CNTNAP5: variants seen among roughly 807,000 people sequenced by gnomAD.
CNTNAP5 encodes the protein contactin associated protein family member 5.
CNTNAP5 carries 72 observed loss-of-function variants against 150.2 expected under a neutral mutation model. The observed-to-expected ratio is 0.48, with a 90% CI of 0.40 to 0.58. The LOEUF (loss-of-function observed/expected upper bound fraction) is 0.58, where lower values mean the gene tolerates loss of function less well. Ranked by LOEUF, CNTNAP5 falls within the 20% of genes least tolerant of loss-of-function variation. The probability of loss-of-function intolerance (pLI) is 0.00; values close to 1 mark genes in which losing one functional copy is unlikely to be tolerated. For synonymous variants in CNTNAP5, 672 were observed against 619.8 expected (o/e 1.08, Z -1.25); for missense variants, 1,636 against 1,626.2 (o/e 1.01, Z -0.10).
intron 3 of CNTNAP5, among the ~76,000 whole-genome samples, chr2:124,393,767 G>A (rs1031872754): frequency 2.0e-5 from 3 of 152,186 alleles, no homozygotes; most frequent in African/African-American, 7.2e-5. Flanking sequence ...GGCTTTCTCT[G>A]GGACATCTCA....
At chr2:124,493,928 T>TA (rs1042412720) in intron 7 of CNTNAP5, among the ~76,000 whole-genome samples, 10 of 147,858 alleles carry the variant, frequency 6.8e-5, no homozygotes, top group African/African-American at 1.7e-4. Flanking sequence ...GTTTGTGGGC[T>TA]AAAAAAAGTA....
chr2:124,585,546 T>C (rs1301939228), intron 11 of CNTNAP5, among the ~76,000 whole-genome samples: 3 of 152,086 alleles, frequency 2.0e-5, no homozygotes, highest in Non-Finnish European at 2.9e-5. Flanking sequence ...ATTCTTGGTC[T>C]TACAGGGAGG....
intron 12 of CNTNAP5, among the ~76,000 whole-genome samples, chr2:124,634,709 G>A (rs1274276775): frequency 6.6e-6 from 1 of 151,950 alleles, no homozygotes; most frequent in Non-Finnish European, 1.5e-5. Context: ...TCACCATGTT[G>A]CTCAGGCTGG....
At chr2:124,380,747 T>C (rs1247657938) in intron 3 of CNTNAP5, among the ~76,000 whole-genome samples, 1 of 152,158 alleles carries the variant, frequency 6.6e-6, no homozygotes, top group African/African-American at 2.4e-5. Context: ...GAATATTCTC[T>C]GGGTGTGTGC....
At chr2:124,125,409 A>G (rs1445249294) in intron 1 of CNTNAP5, among the ~76,000 whole-genome samples, 1 of 152,206 alleles carries the variant, frequency 6.6e-6, no homozygotes, top group Admixed American at 6.5e-5. Flanking sequence ...CCAGATTCAT[A>G]AAGCAAGCCC....
At chr2:124,425,626 C>A (rs1038010114) in intron 4 of CNTNAP5, among the ~76,000 whole-genome samples, 1 of 139,672 alleles carries the variant, frequency 7.2e-6, no homozygotes, top group Admixed American at 7.4e-5. Flanking sequence ...TCCCAGCTTG[C>A]TCCTTAGAGT....
At chr2:124,337,692 G>T (rs1034335807) in intron 3 of CNTNAP5, among the ~76,000 whole-genome samples, 1 of 152,096 alleles carries the variant, frequency 6.6e-6, no homozygotes, top group African/African-American at 2.4e-5. Flanking sequence ...GTAGATATGC[G>T]GCATTATTTC....
intron 16 of CNTNAP5, among the ~76,000 whole-genome samples, chr2:124,769,559 G>A (rs1021847492): frequency 1.3e-5 from 2 of 152,120 alleles, no homozygotes; most frequent in South Asian, 2.1e-4. Context: ...GGGCCAGTGG[G>A]CTATGTCCAC....
chr2:124,834,791 GTA>G (rs35344366), intron 19 of CNTNAP5, among the ~76,000 whole-genome samples: 13 of 147,452 alleles, frequency 8.8e-5, no homozygotes, highest in Admixed American at 1.4e-4. Flanking sequence ...ATATTTCACA[GTA>G]TATATATATA....
At chr2:124,317,785 A>G (rs1420940027) in intron 3 of CNTNAP5, among the ~76,000 whole-genome samples, 1 of 152,160 alleles carries the variant, frequency 6.6e-6, no homozygotes, top group African/African-American at 2.4e-5. Flanking sequence ...AAATTCACAA[A>G]CAGACACACA....
At chr2:124,366,063 A>T (rs1461500920) in intron 3 of CNTNAP5, among the ~76,000 whole-genome samples, 2 of 152,118 alleles carry the variant, frequency 1.3e-5, no homozygotes, top group Non-Finnish European at 2.9e-5. Context: ...CTTTGGAGAG[A>T]TAGTCTATAC....
chr2:124,400,717 G>GTGTGAT (rs1691400130), intron 3 of CNTNAP5, among the ~76,000 whole-genome samples: 1 of 131,782 alleles, frequency 7.6e-6, no homozygotes, highest in Non-Finnish European at 1.5e-5. Flanking sequence ...AATGTGAAAA[G>GTGTGAT]TGTGATTTTG....
intron 4 of CNTNAP5, among the ~76,000 whole-genome samples, chr2:124,430,295 G>T (rs1692345473): frequency 6.6e-6 from 1 of 152,078 alleles, no homozygotes; most frequent in South Asian, 2.1e-4. Context: ...ATACCTCTTT[G>T]TCTCTTTGTG....
At chr2:124,692,700 A>G (rs139053062) in intron 13 of CNTNAP5, among the ~76,000 whole-genome samples, 1 of 152,246 alleles carries the variant, frequency 6.6e-6, no homozygotes, top group African/African-American at 2.4e-5. Flanking sequence ...TAATTTTGAG[A>G]AAGAAAATAC....
intron 3 of CNTNAP5, among the ~76,000 whole-genome samples, chr2:124,384,682 T>G (rs1293127732): frequency 1.3e-5 from 2 of 152,214 alleles, no homozygotes; most frequent in Non-Finnish European, 2.9e-5. Context: ...GTTCAAAATC[T>G]GTATCCTTCC....
At chr2:124,849,879 TA>T (rs1683120843) in intron 19 of CNTNAP5, among the ~76,000 whole-genome samples, 1 of 152,184 alleles carries the variant, frequency 6.6e-6, no homozygotes, top group Non-Finnish European at 1.5e-5. Flanking sequence ...TAATTTTCAT[TA>T]AATGTTTTTA....
intron 1 of CNTNAP5, among the ~76,000 whole-genome samples, chr2:124,199,747 T>C (rs79128855): frequency 4.1e-4 from 62 of 152,280 alleles, no homozygotes; most frequent in African/African-American, 1.4e-3. Context: ...TACCATGAAT[T>C]TCCCTTTTTA....
chr2:124,698,408 G>A (rs1038327754), intron 13 of CNTNAP5, among the ~76,000 whole-genome samples: 1 of 88,456 alleles, frequency 1.1e-5, no homozygotes, highest in Non-Finnish European at 2.6e-5. Flanking sequence ...ACACACACAC[G>A]TTTGCTTATT....
chr2:124,698,867 A>G (rs2105087524), intron 13 of CNTNAP5, among the ~76,000 whole-genome samples: 1 of 152,074 alleles, frequency 6.6e-6, no homozygotes, highest in Non-Finnish European at 1.5e-5. Context: ...CCCTCTTTCC[A>G]CAGAGGGACA....
Sources: gnomAD v4.1 joint callset for allele counts (sites outside exome capture counted in the v4.1 genomes callset) on GRCh38, gnomAD v4.1.1 for gene constraint, MANE v1.5 for transcripts, NCBI Gene and HGNC (gene_info 2026-07-23, HGNC 2026-07-21) for gene names.